NF1: variants seen among roughly 807,000 people sequenced by gnomAD.
NF1 encodes the protein neurofibromin.
A neutral mutation model predicts 325.7 loss-of-function variants in NF1; 122 were observed. That is an observed-to-expected ratio of 0.37 (90% CI 0.32 to 0.44). NF1 has a LOEUF of 0.44. Among genes scored for constraint, NF1 ranks in the 20% least tolerant of loss-of-function variants. The pLI is 1.00. For missense variants in NF1, 2,140 were observed against 3,415.4 expected (o/e 0.63, Z 9.31); for synonymous variants, 1,091 against 1,186.0 (o/e 0.92, Z 1.65).
chr17:31,229,004 G>T (rs2151428716), intron 20 of NF1, 21 bp from the exon 21 acceptor site: 1 of 1,584,308 alleles, frequency 6.3e-7, no homozygotes, highest in South Asian at 1.1e-5. Context: ...TTCATGCTTT[G>T]CACAAAAATT....
At chr17:31,351,301 C>G (rs2070136152) in intron 50 of NF1, among the ~76,000 whole-genome samples, 1 of 152,054 alleles carries the variant, frequency 6.6e-6, no homozygotes, top group Admixed American at 6.5e-5. Context: ...TTGAAAATAG[C>G]TACGAGTAGA....
chr17:31,200,715 C>A, intron 9 of NF1, 120 bp downstream of exon 9: 1 of 1,158,138 alleles, frequency 8.6e-7, no homozygotes, highest in Non-Finnish European at 1.3e-6. Flanking sequence ...TTGATAAGTT[C>A]ATAGGACTTG....
intron 57 of NF1, among the ~76,000 whole-genome samples, chr17:31,363,007 G>T (rs1481952606): frequency 3.3e-5 from 5 of 152,160 alleles, no homozygotes; most frequent in Non-Finnish European, 5.9e-5. Context: ...TTTGGTTCCA[G>T]TTTCAAACTA....
At chr17:31,240,811 G>A (rs746739109) in intron 29 of NF1, among the ~76,000 whole-genome samples, 1 of 152,072 alleles carries the variant, frequency 6.6e-6, no homozygotes, top group Non-Finnish European at 1.5e-5. Flanking sequence ...GTTTTGATTT[G>A]CATTTCTCTG....
intron 13 of NF1, among the ~76,000 whole-genome samples, chr17:31,215,823 T>A (rs537301743): frequency 2.0e-5 from 3 of 152,356 alleles, no homozygotes; most frequent in East Asian, 3.9e-4. Context: ...GCATATTTTT[T>A]AAATTACTGT....
At chr17:31,205,158 A>T (rs1417278784) in intron 11 of NF1, among the ~76,000 whole-genome samples, 4 of 152,180 alleles carry the variant, frequency 2.6e-5, no homozygotes, top group Non-Finnish European at 5.9e-5. Flanking sequence ...TTAAGGTAAT[A>T]TAACTCGATG....
chr17:31,236,044 A>G lies in NF1; in HGVS notation c.3974+23A>G, dbSNP rs376217184. 1.3e-5 allele frequency: 20 copies of G among 1,536,998 alleles called. No individual in the cohort carries two copies. The African/African-American group carries it at 3.0e-4, about 23-fold the overall frequency. On this transcript the variant is annotated intron_variant, in intron 29 of 57. Transcript: ENST00000358273. ...CAGGTTTGTCATCTTTTCACATAGA[A>G]CCGCTGTTTTTTGTTTTTTTTTTTT...
intron 16 of NF1, among the ~76,000 whole-genome samples, 168 bp from the exon 17 acceptor site, chr17:31,224,927 C>A (rs1387818243): frequency 6.6e-6 from 1 of 152,048 alleles, no homozygotes; most frequent in Non-Finnish European, 1.5e-5. Context: ...ATTAAGTAAA[C>A]CTTGTTTGTT....
chr17:31,163,301 G>A lies in NF1; in HGVS notation c.404G>A (p.Arg135Gln), dbSNP rs1060500244. 7 of 1,613,932 alleles carry A rather than the reference G, an allele frequency of 4.3e-6. No homozygotes were observed. The highest frequency in any genetic ancestry group is 1.7e-5 in the Admixed American group (1 of 59,984). The change falls in exon 4 of 58, where the codon CGG becomes CAG. Residue 135 changes from arginine (R) to glutamine (Q), a missense_variant. Coordinates refer to ENST00000358273, the MANE Select transcript of NF1 (RefSeq NM_001042492.3). ...REGNQHAAELRNSASGVLFSL... is the reference protein window; with the variant it reads ...REGNQHAAELQNSASGVLFSL... ...GGAAACCAGCATGCAGCTGAACTTC[G>A]GAATTCTGCCTCTGGGGTTTTATTT... is the stretch of plus-strand genomic sequence containing the variant.
At chr17:31,102,984 T>C (rs1025439060) in intron 1 of NF1, among the ~76,000 whole-genome samples, 5 of 151,804 alleles carry the variant, frequency 3.3e-5, no homozygotes, top group Admixed American at 3.3e-4. Context: ...TAGCTGGCAT[T>C]ACAGGCACGT....
intron 1 of NF1, among the ~76,000 whole-genome samples, chr17:31,127,853 A>G (rs1387481125): frequency 6.6e-6 from 1 of 151,684 alleles, no homozygotes; most frequent in Non-Finnish European, 1.5e-5. Flanking sequence ...TTCTCTGTGC[A>G]TCTGTTGAGG....
intron 36 of NF1, among the ~76,000 whole-genome samples, chr17:31,281,473 TA>T (rs2068117096): frequency 1.3e-5 from 2 of 152,238 alleles, no homozygotes; most frequent in South Asian, 4.1e-4. Flanking sequence ...TAATACTGGT[TA>T]ATCATCTTAA....
rs1304454237 is a variant in NF1, at chr17:31,374,291, G to A, written c.*136G>A. On this transcript the variant is annotated 3_prime_UTR_variant, in exon 58 of 58. Coordinates refer to ENST00000358273, the MANE Select transcript of NF1 (RefSeq NM_001042492.3). ...ATAATGAACCCATCCGGTTTGCCAT[G>A]TTGCCAGATGATCAACTCTTCGAAG... 3 of 1,142,028 alleles carry A rather than the reference G, an allele frequency of 2.6e-6. No individual in the cohort carries two copies. The highest frequency in any genetic ancestry group is 2.6e-6 in the Non-Finnish European group (2 of 770,012). 70.7% of individuals were successfully genotyped at this position (1,142,028 alleles called of 1,614,324 possible).
intron 48 of NF1, among the ~76,000 whole-genome samples, chr17:31,344,574 A>G (rs1567621161): frequency 6.6e-6 from 1 of 152,210 alleles, no homozygotes; most frequent in Non-Finnish European, 1.5e-5. Context: ...CCCAGTTTTT[A>G]TGAGAGAGAG....
chr17:31,164,275 A>G (rs148035953), intron 4 of NF1, among the ~76,000 whole-genome samples: 128 of 152,322 alleles, frequency 8.4e-4, no homozygotes, highest in African/African-American at 3.0e-3. Flanking sequence ...TCAAAAATAT[A>G]ATTTAAGCTT....
rs1555615088 is a variant in NF1, at chr17:31,233,169, C to T, written c.3664C>T (p.Pro1222Ser). 1 of 1,614,014 alleles carries T rather than the reference C, an allele frequency of 6.2e-7. No individual in the cohort carries two copies. The highest frequency in any genetic ancestry group is 8.5e-7 in the Non-Finnish European group (1 of 1,179,990). ...AATGATGGGTGATCAAGGAGAACTC[C>T]CTATAGCGATGGCTCTGGCCAATGT... is the stretch of plus-strand genomic sequence containing the variant. The part of the protein sequence containing the change: ...VTMMGDQGEL[P>S]IAMALANVVP... Residue 1222 changes from proline to serine, a missense_variant, in exon 27 of 58, where the codon CCT becomes TCT. Coordinates refer to ENST00000358273, the MANE Select transcript of NF1 (RefSeq NM_001042492.3).
intron 1 of NF1, among the ~76,000 whole-genome samples, chr17:31,139,375 G>GACACACACACACACACACACAC (rs58863782): frequency 6.9e-6 from 1 of 144,080 alleles, no homozygotes; most frequent in Non-Finnish European, 1.5e-5. Flanking sequence ...GTTTTACACA[G>GACACACACACACACACACACAC]ACACACACAC....
intron 1 of NF1, among the ~76,000 whole-genome samples, chr17:31,146,934 A>G (rs1350694858): frequency 6.6e-6 from 1 of 152,268 alleles, no homozygotes; most frequent in Non-Finnish European, 1.5e-5. Flanking sequence ...CAGCACTCCC[A>G]GCATTTAAGG....
At chr17:31,145,465 T>C (rs1047999292) in intron 1 of NF1, among the ~76,000 whole-genome samples, 29 of 152,180 alleles carry the variant, frequency 1.9e-4, no homozygotes, top group African/African-American at 6.3e-4. Flanking sequence ...GTGCTGGGAT[T>C]AGAGGTGTGA....
Sources: gnomAD v4.1 joint callset for allele counts (sites outside exome capture counted in the v4.1 genomes callset) on GRCh38, gnomAD v4.1.1 for gene constraint, MANE v1.5 for transcripts, NCBI Gene and HGNC (gene_info 2026-07-23, HGNC 2026-07-21) for gene names.